The following EMP2 variants were observed in gnomAD, a reference collection of about 807,000 sequenced individuals.
The protein encoded by EMP2 is epithelial membrane protein 2.
In EMP2, 19 loss-of-function variants were observed where a neutral mutation model predicts 13.7. The ratio of observed to expected loss-of-function variants is 1.38; its 90% CI spans 0.97 to 2.03. EMP2 has a LOEUF of 2.03. Among genes scored for constraint, EMP2 ranks in the 30% most tolerant of loss-of-function variants. EMP2 has a pLI of 0.00. For synonymous variants in EMP2, 97 were observed against 84.7 expected (o/e 1.15, Z -0.80); for missense variants, 253 against 220.7 (o/e 1.15, Z -0.93).
At chr16:10,578,627 A>G (rs2051000984) in intron 1 of EMP2, among the ~76,000 whole-genome samples, 2 of 151,948 alleles carry the variant, frequency 1.3e-5, no homozygotes, top group African/African-American at 4.8e-5. Context: ...CCCTGCCCTC[A>G]CCCACTCAGC....
intron 1 of EMP2, among the ~76,000 whole-genome samples, chr16:10,561,829 T>A (rs2050873329): frequency 6.6e-6 from 1 of 152,146 alleles, no homozygotes; most frequent in Admixed American, 6.5e-5. Context: ...GAAGCCAGAT[T>A]TCAAGGAGCT....
rs925035203 is a variant in EMP2 at position 10,531,874 on chromosome 16, G to A, written c.*1031C>T. The A allele has an allele frequency of 5.8e-5, 9 of 154,912 alleles. No homozygotes were observed. The South Asian group carries it at 8.1e-4, about 14-fold the overall frequency. 9.6% of individuals were successfully genotyped at this position (154,912 alleles called of 1,614,324 possible). ...TGAAGGGCTGGACAAGAAGGGAGAG[G>A]CCTTCTGGGATAAGATGGGAAGGAG... On this transcript the variant is annotated 3_prime_UTR_variant, in exon 5 of 5. Coordinates refer to ENST00000359543, the MANE Select transcript of EMP2 (RefSeq NM_001424.6).
rs1337572703 is a variant in EMP2, at chr16:10,538,044, G to A, written c.200C>T (p.Thr67Ile). 2 of 1,613,902 alleles carry A rather than the reference G, an allele frequency of 1.2e-6. No individual in the cohort carries two copies. Among genetic ancestry groups the A allele is most frequent in the African/African-American group, 2.7e-5 (2 of 74,904 alleles). Residue 67 changes from threonine (T) to isoleucine (I), a missense_variant, in exon 4 of 5, where the codon ACC becomes ATC. Physicochemically the swap from Thr to Ile is moderately conservative, Grantham distance 89. Transcript: ENST00000359543. ...EYSTLQAVQATMILSTILCCI... is the reference protein window; with the variant it reads ...EYSTLQAVQAIMILSTILCCI... ...GCAGAGAATGGTGGAGAGGATCATGGTGGCCTGGACCGCCTGCAGCGTGGA... is the reference window on the plus strand; with the variant it reads ...GCAGAGAATGGTGGAGAGGATCATGATGGCCTGGACCGCCTGCAGCGTGGA...
intron 1 of EMP2, among the ~76,000 whole-genome samples, chr16:10,569,841 C>G (rs530349403): frequency 6.6e-6 from 1 of 152,160 alleles, no homozygotes; most frequent in South Asian, 2.1e-4. Context: ...AAGAATGTGA[C>G]CCCATGTCAC....
At chr16:10,566,567 T>C (rs867959533) in intron 1 of EMP2, among the ~76,000 whole-genome samples, 4 of 152,196 alleles carry the variant, frequency 2.6e-5, no homozygotes, top group Non-Finnish European at 5.9e-5. Context: ...GACAGAGCTA[T>C]CTAAAATCAC....
chr16:10,564,624 G>A (rs1436015961), intron 1 of EMP2, among the ~76,000 whole-genome samples: 5 of 151,894 alleles, frequency 3.3e-5, no homozygotes, highest in African/African-American at 1.2e-4. Context: ...CGTAGTCAAG[G>A]AATCTGTCAT....
intron 1 of EMP2, among the ~76,000 whole-genome samples, chr16:10,570,007 CA>C: frequency 6.6e-6 from 1 of 152,148 alleles, no homozygotes; most frequent in Non-Finnish European, 1.5e-5. Flanking sequence ...AATGCTCACC[CA>C]AGCCTCCCTT....
rs532990544 is a variant in EMP2 at position 10,529,937 on chromosome 16, A to G, written c.*2968T>C. The G allele has an allele frequency of 6.6e-6, 1 of 151,610 alleles. No individual in the cohort carries two copies. The highest frequency in any genetic ancestry group is 1.5e-5 in the Non-Finnish European group (1 of 67,978). 9.4% of individuals were successfully genotyped at this position (151,610 alleles called of 1,614,324 possible). A position where few individuals can be genotyped will look rare whatever the true frequency, so the allele number is the denominator to read the frequency against. On this transcript the variant is annotated 3_prime_UTR_variant, in exon 5 of 5. Coordinates refer to ENST00000359543, the MANE Select transcript of EMP2 (RefSeq NM_001424.6). ...CAAGAGCAAAACTCAGTCTCAAAAA[A>G]AAAAAAAAAAAAGAAAAAGAAAAAA... is the stretch of plus-strand genomic sequence containing the variant.
At position 10,562,182 on chromosome 16, in the gene EMP2, A is replaced by G. The variant is rs142883598; in HGVS notation, c.-60-14505T>C. On this transcript the variant is annotated intron_variant, in intron 1 of 4. Transcript: ENST00000359543. ...TGAAAAAAAAATTAAACAAAATTTT[A>G]GCAGATCAAATCCTCCCATCAAGAG... 2.1e-3 allele frequency among the ~76,000 whole-genome samples: 318 copies of G among 152,346 alleles called. 1 individual carries two copies. The highest frequency in any genetic ancestry group is 7.2e-3 in the African/African-American group (300 of 41,586).
intron 4 of EMP2, among the ~76,000 whole-genome samples, chr16:10,535,263 G>T (rs1302520539): frequency 6.6e-6 from 1 of 152,158 alleles, no homozygotes; most frequent in Non-Finnish European, 1.5e-5. Flanking sequence ...AGGAGTTGGG[G>T]AGAATGGGAT....
Position 10,538,071 on chromosome 16 carries a change from T to C in EMP2, c.173A>G (p.Tyr58Cys). ...CTVINDSFQE[Y>C]STLQAVQATM... ...GGCCTGGACCGCCTGCAGCGTGGAG[T>C]ACTCTGCGGGAAAAGGGCAGGGGCG... Residue 58 changes from tyrosine (Y) to cysteine (C), a missense_variant, in exon 4 of 5, where the codon TAC (tyrosine) becomes TGC (cysteine). Transcript: ENST00000359543. 6.2e-7 allele frequency: 1 copy of C among 1,613,308 alleles called. No individual in the cohort carries two copies. The highest frequency in any genetic ancestry group is 8.5e-7 in the Non-Finnish European group (1 of 1,179,862).
chr16:10,553,371 G>A (rs951817029), intron 1 of EMP2, among the ~76,000 whole-genome samples: 2 of 152,150 alleles, frequency 1.3e-5, no homozygotes, highest in African/African-American at 2.4e-5. Flanking sequence ...AACACTCTCT[G>A]CCTCGTCCCG....
chr16:10,541,887 T>C (rs902916301), intron 3 of EMP2, among the ~76,000 whole-genome samples: 2 of 152,202 alleles, frequency 1.3e-5, no homozygotes, highest in African/African-American at 2.4e-5. Flanking sequence ...AGATCACCTA[T>C]GTAAAGGACT....
intron 3 of EMP2, among the ~76,000 whole-genome samples, chr16:10,541,015 G>C (rs923361972): frequency 1.3e-5 from 2 of 152,080 alleles, no homozygotes; most frequent in South Asian, 4.1e-4. Context: ...TCGAACCTGG[G>C]GGGCAGAGGT....
chr16:10,559,721 C>T (rs1199516298), intron 1 of EMP2, among the ~76,000 whole-genome samples: 1 of 152,184 alleles, frequency 6.6e-6, no homozygotes. Context: ...GTTGCCCAGG[C>T]TAGAGTGCCA....
At chr16:10,570,444 C>A (rs2050939242) in intron 1 of EMP2, among the ~76,000 whole-genome samples, 1 of 152,116 alleles carries the variant, frequency 6.6e-6, no homozygotes, top group South Asian at 2.1e-4. Flanking sequence ...TCACCCAGAG[C>A]TTGAATGCAG....
chr16:10,538,056 G>A lies in EMP2; in HGVS notation c.188C>T (p.Ala63Val), dbSNP rs150986636. The A allele has an allele frequency of 1.2e-4, 191 of 1,613,870 alleles. No homozygotes were observed. In the Middle Eastern group the frequency reaches 2.7e-3, roughly 23 times the overall value. Residue 63 changes from alanine to valine, a missense_variant, in exon 4 of 5, where the codon GCG (alanine) becomes GTG (valine). Coordinates refer to ENST00000359543, the MANE Select transcript of EMP2 (RefSeq NM_001424.6). ...DSFQEYSTLQ[A>V]VQATMILSTI... The stretch of plus-strand genomic sequence containing the variant: ...GGAGAGGATCATGGTGGCCTGGACC[G>A]CCTGCAGCGTGGAGTACTCTGCGGG...
chr16:10,553,580 G>C (rs8052677), intron 1 of EMP2, among the ~76,000 whole-genome samples: 16,831 of 151,686 alleles, frequency 0.11, 1,757 homozygotes, highest in African/African-American at 0.27. Flanking sequence ...CAAGAGTGTG[G>C]AGCTGGGAGC....
intron 1 of EMP2, among the ~76,000 whole-genome samples, chr16:10,571,156 C>T (rs2050944130): frequency 6.9e-6 from 1 of 144,336 alleles, no homozygotes; most frequent in Non-Finnish European, 1.5e-5. Context: ...ACTTTGGAGG[C>T]TTAGGCAGGA....
Sources: gnomAD v4.1 joint callset for allele counts (sites outside exome capture counted in the v4.1 genomes callset) on GRCh38, gnomAD v4.1.1 for gene constraint, MANE v1.5 for transcripts, NCBI Gene and HGNC (gene_info 2026-07-23, HGNC 2026-07-21) for gene names.